RBM33: variants seen among roughly 807,000 people sequenced by gnomAD.
RBM33 encodes the protein RNA binding motif protein 33, also known as RNA-binding protein 33.
In RBM33, 28 loss-of-function variants were observed where a neutral mutation model predicts 132.6. The ratio of observed to expected loss-of-function variants is 0.21; its 90% CI spans 0.16 to 0.29. The LOEUF is 0.29. Ranked by LOEUF, RBM33 falls within the 10% of genes least tolerant of loss-of-function variation. The pLI, the probability that RBM33 is intolerant of heterozygous loss-of-function variation, is 1.00. For synonymous variants in RBM33, 634 were observed against 593.0 expected (o/e 1.07, Z -1.01); for missense variants, 1,291 against 1,518.5 (o/e 0.85, Z 2.49).
intron 14 of RBM33, among the ~76,000 whole-genome samples, chr7:155,750,186 C>T (rs1407197963): frequency 6.6e-6 from 1 of 152,164 alleles, no homozygotes; most frequent in Admixed American, 6.5e-5. Context: ...CTTTTAATTA[C>T]TTAGAATATA....
intron 2 of RBM33, among the ~76,000 whole-genome samples, chr7:155,668,298 T>A (rs1798854715): frequency 6.6e-6 from 1 of 152,216 alleles, no homozygotes. Context: ...GTCTTTCAAG[T>A]GTTGTTTCAT....
At chr7:155,681,002 G>C in intron 5 of RBM33, 94 bp downstream of exon 5, 3 of 1,026,706 alleles carry the variant, frequency 2.9e-6, no homozygotes, top group Admixed American at 2.8e-5. Context: ...TCCCCTGGGA[G>C]GGAGGGGAAA....
intron 14 of RBM33, among the ~76,000 whole-genome samples, chr7:155,755,085 C>T (rs1422387024): frequency 1.3e-5 from 2 of 152,198 alleles, no homozygotes; most frequent in Non-Finnish European, 2.9e-5. Flanking sequence ...TTAGAAACTT[C>T]GTACAGCATG....
chr7:155,720,585 A>C, intron 9 of RBM33, among the ~76,000 whole-genome samples: 1 of 152,342 alleles, frequency 6.6e-6, no homozygotes, highest in Admixed American at 6.5e-5. Context: ...ATGAGGATCT[A>C]CTTTATGTCA....
chr7:155,749,791 T>C (rs10229857), intron 14 of RBM33, among the ~76,000 whole-genome samples: 141,556 of 152,326 alleles, frequency 0.93, 66,077 homozygotes, highest in East Asian at 1. Flanking sequence ...GAACCTGGGC[T>C]GCTGGCCCAG....
At chr7:155,756,998 T>A (rs1801873250) in intron 14 of RBM33, among the ~76,000 whole-genome samples, 1 of 152,212 alleles carries the variant, frequency 6.6e-6, no homozygotes, top group Non-Finnish European at 1.5e-5. Context: ...CTTGCCTACT[T>A]CTTGACAGAG....
chr7:155,649,078 A>T (rs976953610), intron 1 of RBM33, among the ~76,000 whole-genome samples: 19 of 151,982 alleles, frequency 1.3e-4, no homozygotes, highest in African/African-American at 4.6e-4. Flanking sequence ...TTTTTTCTCC[A>T]GTTCTTTTTC....
chr7:155,759,034 A>G (rs1321000716), intron 14 of RBM33, among the ~76,000 whole-genome samples: 1 of 152,236 alleles, frequency 6.6e-6, no homozygotes, highest in East Asian at 1.9e-4. Flanking sequence ...CTCTGTCTGC[A>G]GGGACTGTCT....
chr7:155,742,097 A>G lies in RBM33; in HGVS notation c.2328A>G (p.Thr776=), dbSNP rs2117032062. 1.2e-6 allele frequency: 2 copies of G among 1,612,558 alleles called. No homozygotes were observed. The highest frequency in any genetic ancestry group is 2.2e-5 in the East Asian group (1 of 44,844). Residue 776 remains threonine (T), a synonymous_variant, in exon 13 of 18, where the codon ACA becomes ACG. Coordinates refer to ENST00000401878, the MANE Select transcript of RBM33 (RefSeq NM_053043.3). ...PVAQPKEEAK[T]ETEFPDEDEE... ...CTCAACCTAAAGAAGAGGCAAAAAC[A>G]GAAACAGAGGTAGGACACTGCTCTT...
intron 3 of RBM33, among the ~76,000 whole-genome samples, chr7:155,673,946 T>TTTTTTTTTTTTTG (rs1799095683): frequency 3.9e-5 from 1 of 25,764 alleles, no homozygotes; most frequent in Non-Finnish European, 8.8e-5. Flanking sequence ...CTTAGTTTTT[T>TTTTTTTTTTTTTG]TTTTTTTTTT....
chr7:155,754,687 A>C (rs980592430), intron 14 of RBM33, among the ~76,000 whole-genome samples: 1 of 152,232 alleles, frequency 6.6e-6, no homozygotes, highest in Non-Finnish European at 1.5e-5. Context: ...AGGCCTAGCT[A>C]ATGTCAGAAA....
rs1563169654 is a variant in RBM33 at position 155,739,855 on chromosome 7, ACCACAGCACCCG to A, written c.1881_1892del (p.Pro630_His633del). 1.5e-5 allele frequency: 12 copies of A among 795,990 alleles called. No individual in the cohort carries two copies. Among genetic ancestry groups the A allele is most frequent in the East Asian group, 9.4e-5 (1 of 10,588 alleles). The allele number at this position is 795,990 out of a possible 1,614,324, so 49.3% of individuals were successfully genotyped here. On this transcript the variant is annotated inframe_deletion, in exon 12 of 18. Coordinates refer to ENST00000401878, the MANE Select transcript of RBM33 (RefSeq NM_053043.3). ...AGCACCAGCCCCCACCCCAGCACCC[ACCACAGCACCCG>A]CCGCAGCACCAGCACCACCACCACC...
At chr7:155,724,616 G>C (rs1018073169) in intron 9 of RBM33, among the ~76,000 whole-genome samples, 2 of 152,170 alleles carry the variant, frequency 1.3e-5, no homozygotes, top group Non-Finnish European at 2.9e-5. Flanking sequence ...TGAGTGCTTT[G>C]AGCGTACAGG....
intron 1 of RBM33, among the ~76,000 whole-genome samples, chr7:155,647,590 C>T (rs1003863068): frequency 6.6e-6 from 1 of 152,182 alleles, no homozygotes; most frequent in Non-Finnish European, 1.5e-5. Context: ...ACCAGCACGC[C>T]TGGCTAATTT....
Position 155,780,898 on chromosome 7 carries a change from GGAGT to G in RBM33, c.*5863_*5866del, listed in dbSNP as rs1363691352. ...TGTTGTTTTGCAGTTTGGCTCTGTA[GGAGT>G]GAGTGGCGATTCAAAGATGCCGGCG... On this transcript the variant is annotated 3_prime_UTR_variant, in exon 18 of 18. Transcript: ENST00000401878. The G allele has an allele frequency of 6.5e-6, 1 of 152,766 alleles. No homozygotes were observed. The highest frequency in any genetic ancestry group is 1.5e-5 in the Non-Finnish European group (1 of 68,070). The allele number at this position is 152,766 out of a possible 1,614,324, so 9.5% of individuals were successfully genotyped here. A position where few individuals can be genotyped will look rare whatever the true frequency, so the allele number is the denominator to read the frequency against.
chr7:155,677,324 T>G (rs887421872), intron 3 of RBM33, among the ~76,000 whole-genome samples: 2 of 151,782 alleles, frequency 1.3e-5, no homozygotes, highest in Non-Finnish European at 2.9e-5. Flanking sequence ...TTCTCCTGCC[T>G]CAGCCTCCCG....
chr7:155,687,389 T>G (rs1041595892), intron 5 of RBM33, among the ~76,000 whole-genome samples: 2 of 152,248 alleles, frequency 1.3e-5, no homozygotes, highest in African/African-American at 4.8e-5. Flanking sequence ...CTTTGTCAGA[T>G]GAGTAGATTG....
At chr7:155,712,028 C>G in intron 8 of RBM33, among the ~76,000 whole-genome samples, 1 of 152,206 alleles carries the variant, frequency 6.6e-6, no homozygotes, top group East Asian at 1.9e-4. Flanking sequence ...AAATGTGTAT[C>G]TCTTATTGTA....
chr7:155,711,383 G>T lies in RBM33; in HGVS notation c.1129G>T (p.Val377Leu). 1 of 1,581,398 alleles carries T rather than the reference G, an allele frequency of 6.3e-7. No homozygotes were observed. The highest frequency in any genetic ancestry group is 8.6e-7 in the Non-Finnish European group (1 of 1,164,212). Residue 377 changes from valine (V) to leucine (L), a missense_variant, in exon 8 of 18, where the codon GTG (valine) becomes TTG (leucine). By Grantham distance (32) the Val-to-Leu change is conservative. This residue lies in a region of RBM33 where 146 missense variants were observed against 137.1 expected (regional missense o/e 1.07). Transcript: ENST00000401878. The stretch of plus-strand genomic sequence containing the variant: ...AAGGATGATGATGACCCCGCCACCC[G>T]TGACTCCACAGCAGCCCAAGAACAT... ...TPRMMMTPPP[V>L]TPQQPKNIHI...
Sources: gnomAD v4.1 joint callset for allele counts (sites outside exome capture counted in the v4.1 genomes callset) on GRCh38, gnomAD v4.1.1 for gene constraint, gnomAD v4.1.1 regional missense constraint, MANE v1.5 for transcripts, NCBI Gene and HGNC (gene_info 2026-07-23, HGNC 2026-07-21) for gene names.